Variants in PLCZ1 observed in about 807,000 individuals in gnomAD.
The protein encoded by PLCZ1 is 1-phosphatidylinositol 4,5-bisphosphate phosphodiesterase zeta-1.
A neutral mutation model predicts 76.8 loss-of-function variants in PLCZ1; 64 were observed. That is an observed-to-expected ratio of 0.83 (90% CI 0.68 to 1.03). The LOEUF (loss-of-function observed/expected upper bound fraction) is 1.03. PLCZ1 is among the 50% of genes least tolerant of loss of function. The pLI is 0.00. For missense variants in PLCZ1, 751 were observed against 713.7 expected (o/e 1.05, Z -0.60); for synonymous variants, 248 against 230.8 (o/e 1.07, Z -0.68).
the PLCZ1 span, among the ~76,000 whole-genome samples, chr12:18,663,235 C>T: frequency 6.6e-6 from 1 of 151,750 alleles, no homozygotes; most frequent in Non-Finnish European, 1.5e-5. Context: ...AGCAGTTAGG[C>T]AAGAAAAGGA....
At chr12:18,729,353 T>TG in intron 3 of PLCZ1, among the ~76,000 whole-genome samples, 1 of 152,212 alleles carries the variant, frequency 6.6e-6, no homozygotes, top group African/African-American at 2.4e-5. Context: ...CCAAACTAAA[T>TG]AGAGTCTCTT....
At chr12:18,719,402 T>A (rs1237284094) in intron 5 of PLCZ1, 29 bp downstream of exon 5, 5 of 1,288,260 alleles carry the variant, frequency 3.9e-6, no homozygotes, top group Non-Finnish European at 5.2e-6. Context: ...TATTTTTAAA[T>A]GTAATAGATT....
At chr12:18,681,915 G>A (rs1952452985), downstream of PLCZ1, among the ~76,000 whole-genome samples, 1 of 151,998 alleles carries the variant, frequency 6.6e-6, no homozygotes, top group Admixed American at 6.6e-5. Flanking sequence ...TGGAATTCCA[G>A]ATCTTCAAAA....
chr12:18,669,688 C>T, the PLCZ1 span, among the ~76,000 whole-genome samples: 682 of 151,832 alleles, frequency 4.5e-3, 9 homozygotes, highest in African/African-American at 0.015. Flanking sequence ...GACAGATTCT[C>T]GCTCTGTCAC....
chr12:18,671,299 C>A, the PLCZ1 span, among the ~76,000 whole-genome samples: 1 of 151,712 alleles, frequency 6.6e-6, no homozygotes, highest in South Asian at 2.1e-4. Context: ...TGCTATGCAC[C>A]ATACAGAGAA....
At chr12:18,646,468 T>C in the PLCZ1 span, among the ~76,000 whole-genome samples, 1 of 152,218 alleles carries the variant, frequency 6.6e-6, no homozygotes, top group Non-Finnish European at 1.5e-5. Context: ...GGTAAGTGAA[T>C]CATTGTTCAG....
At position 18,696,209 on chromosome 12, in the gene PLCZ1, G is replaced by A; in HGVS notation, c.1232C>T (p.Thr411Ile). The A allele has an allele frequency of 1.2e-6, 2 of 1,601,380 alleles. No individual in the cohort carries two copies. The highest frequency in any genetic ancestry group is 1.7e-6 in the Non-Finnish European group (2 of 1,171,648). The change falls in exon 11 of 15, where the codon ACA becomes ATA. Residue 411 changes from threonine (T) to isoleucine (I), a missense_variant. Coordinates refer to ENST00000266505, the MANE Select transcript of PLCZ1 (RefSeq NM_033123.4). ...ATTAAAATTAGAAGAGTCTGCTCTTGTTGCTTTGGGATATATTCTGGTAAT... is the reference window on the plus strand; with the variant it reads ...ATTAAAATTAGAAGAGTCTGCTCTTATTGCTTTGGGATATATTCTGGTAAT... ...KFITRIYPKA[T>I]RADSSNFNPQ... is the part of the protein sequence containing the mutation.
chr12:18,668,688 C>G, the PLCZ1 span, among the ~76,000 whole-genome samples: 4 of 152,160 alleles, frequency 2.6e-5, no homozygotes, highest in Non-Finnish European at 5.9e-5. Flanking sequence ...CAACTCACCT[C>G]CAGCCCATAA....
chr12:18,649,681 T>C, the PLCZ1 span, among the ~76,000 whole-genome samples: 1 of 152,166 alleles, frequency 6.6e-6, no homozygotes, highest in Middle Eastern at 3.2e-3. Context: ...GAAACTACTT[T>C]AGTCAAAATC....
the PLCZ1 span, among the ~76,000 whole-genome samples, chr12:18,659,781 G>A: frequency 6.7e-6 from 1 of 150,026 alleles, no homozygotes; most frequent in Non-Finnish European, 1.5e-5. Context: ...CCGTTAACTC[G>A]TTATTTAGCA....
At chr12:18,680,730 A>G (rs1952331746), downstream of PLCZ1, among the ~76,000 whole-genome samples, 1 of 152,096 alleles carries the variant, frequency 6.6e-6, no homozygotes, top group Non-Finnish European at 1.5e-5. Flanking sequence ...AAAAGGAGAC[A>G]CAACATGGGA....
the PLCZ1 span, among the ~76,000 whole-genome samples, chr12:18,648,622 A>G: frequency 6.6e-6 from 1 of 152,050 alleles, no homozygotes; most frequent in Admixed American, 6.6e-5. Flanking sequence ...TTCACCACCA[A>G]TCAATTCATT....
chr12:18,646,267 T>G, the PLCZ1 span, among the ~76,000 whole-genome samples: 3 of 152,184 alleles, frequency 2.0e-5, no homozygotes, highest in Non-Finnish European at 4.4e-5. Context: ...AACCACAGTA[T>G]TACTCCTGCA....
the PLCZ1 span, among the ~76,000 whole-genome samples, chr12:18,666,140 A>G: frequency 6.6e-6 from 1 of 152,050 alleles, no homozygotes; most frequent in Non-Finnish European, 1.5e-5. Context: ...AAGTGACACT[A>G]GAAAATATCT....
chr12:18,698,288 C>CTACTCCAT (rs1565677402), intron 10 of PLCZ1, among the ~76,000 whole-genome samples: 2 of 54,872 alleles, frequency 3.6e-5, no homozygotes, highest in Non-Finnish European at 7.6e-5. Context: ...TTCTATTCTA[C>CTACTCCAT]TCCATTCCAT....
At chr12:18,665,408 GA>G in the PLCZ1 span, among the ~76,000 whole-genome samples, 2 of 151,004 alleles carry the variant, frequency 1.3e-5, no homozygotes, top group Non-Finnish European at 3.0e-5. Context: ...TTCACCACAA[GA>G]AAAAAAAATT....
At chr12:18,678,279 T>C (rs1565632510), downstream of PLCZ1, among the ~76,000 whole-genome samples, 1 of 152,130 alleles carries the variant, frequency 6.6e-6, no homozygotes, top group East Asian at 1.9e-4. Flanking sequence ...TTACACAAGT[T>C]ACTGGTCAGC....
intron 7 of PLCZ1, 85 bp downstream of exon 7, chr12:18,705,081 T>C: frequency 2.0e-6 from 3 of 1,520,404 alleles, no homozygotes; most frequent in Non-Finnish European, 2.7e-6. Flanking sequence ...CATTGGTCTC[T>C]AGCCCAGTTT....
At chr12:18,699,981 T>A (rs1269489110) in intron 9 of PLCZ1, 31 bp from the exon 10 acceptor site, 15 of 1,590,404 alleles carry the variant, frequency 9.4e-6, no homozygotes, top group African/African-American at 1.3e-5. Flanking sequence ...TTTTACATTT[T>A]TATGCTAATC....
Sources: allele counts gnomAD v4.1 joint callset (sites outside exome capture counted in the v4.1 genomes callset), GRCh38; gene constraint gnomAD v4.1.1; transcripts MANE v1.5; gene names NCBI Gene and HGNC (gene_info 2026-07-23, HGNC 2026-07-21).